The following TENM2 variants were observed in gnomAD, a reference collection of about 807,000 sequenced individuals.
TENM2 encodes teneurin-2.
Under a neutral mutation model 245.2 loss-of-function variants are expected in TENM2, and 52 were observed. The ratio of observed to expected loss-of-function variants is 0.21; its 90% CI spans 0.17 to 0.27. TENM2 has a LOEUF of 0.27. Ranked by LOEUF, TENM2 falls within the 10% of genes least tolerant of loss-of-function variation. The pLI, the probability that TENM2 is intolerant of heterozygous loss-of-function variation, is 1.00. For missense variants in TENM2, 3,046 were observed against 3,666.8 expected, an observed-to-expected ratio of 0.83 and a Z score of 4.37; for synonymous variants, 1,363 against 1,438.9, an observed-to-expected ratio of 0.95 and a Z score of 1.19.
intron 13 of TENM2, among the ~76,000 whole-genome samples, chr5:168,165,647 A>ACCCCCCCCCC (rs1562237614): frequency 6.3e-5 from 1 of 15,874 alleles, no homozygotes; most frequent in Non-Finnish European, 1.2e-4. Flanking sequence ...TCCCCCCCCC[A>ACCCCCCCCCC]ACCCCCCCCC....
At chr5:167,799,257 A>G (rs1765533171) in intron 2 of TENM2, among the ~76,000 whole-genome samples, 2 of 152,160 alleles carry the variant, frequency 1.3e-5, no homozygotes, top group Admixed American at 6.5e-5. Context: ...GAGATTTTAA[A>G]TGAACAATAA....
At chr5:168,195,026 C>A in intron 14 of TENM2, 150 bp from the exon 17 acceptor site, 1 of 924,454 alleles carries the variant, frequency 1.1e-6, no homozygotes, top group Non-Finnish European at 1.6e-6. Flanking sequence ...CCCAAAATGT[C>A]ACTAGCGTGA....
At chr5:167,858,317 A>AT (rs1771280247) in intron 2 of TENM2, among the ~76,000 whole-genome samples, 1 of 152,248 alleles carries the variant, frequency 6.6e-6, no homozygotes, top group South Asian at 2.1e-4. Context: ...GAAGCTGGGC[A>AT]TTTTTGCATG....
At chr5:167,987,567 T>G (rs796608801) in intron 4 of TENM2, among the ~76,000 whole-genome samples, 1 of 152,014 alleles carries the variant, frequency 6.6e-6, no homozygotes, top group Non-Finnish European at 1.5e-5. Context: ...ATGATTCGCC[T>G]GCCTCGGCCT....
At chr5:168,111,642 G>T (rs527465949) in intron 9 of TENM2, among the ~76,000 whole-genome samples, 1 of 152,198 alleles carries the variant, frequency 6.6e-6, no homozygotes, top group South Asian at 2.1e-4. Context: ...TCCTGCTTGG[G>T]CACGGTGAGC....
intron 27 of TENM2, among the ~76,000 whole-genome samples, chr5:168,253,971 G>C (rs917260603): frequency 2.6e-5 from 4 of 152,204 alleles, no homozygotes; most frequent in African/African-American, 9.7e-5. Context: ...CTTTCTCCCT[G>C]TTGGGTCTTT....
chr5:168,140,003 A>G (rs1024778363), intron 12 of TENM2, among the ~76,000 whole-genome samples: 15 of 152,362 alleles, frequency 9.8e-5, no homozygotes, highest in African/African-American at 3.6e-4. Context: ...CCCATCTGTG[A>G]CTACTGACAC....
At chr5:167,153,378 T>C in the TENM2 span, among the ~76,000 whole-genome samples, 1 of 152,128 alleles carries the variant, frequency 6.6e-6, no homozygotes, top group East Asian at 1.9e-4. Context: ...AGAGAAAATA[T>C]ATTTAGTGTT....
intron 2 of TENM2, among the ~76,000 whole-genome samples, chr5:167,472,286 G>A (rs1279648537): frequency 6.6e-6 from 1 of 152,146 alleles, no homozygotes; most frequent in Non-Finnish European, 1.5e-5. Context: ...TTTTCACCAA[G>A]TTAAGTTTCC....
intron 2 of TENM2, among the ~76,000 whole-genome samples, chr5:167,416,391 T>C (rs1763168178): frequency 6.6e-6 from 1 of 152,248 alleles, no homozygotes; most frequent in South Asian, 2.1e-4. Context: ...ACAGCAATCC[T>C]GAAAACATTG....
At position 167,640,882 on chromosome 5, in the gene TENM2, T is replaced by A. The variant is rs1446190799; in HGVS notation, c.503-235104T>A. ...ATCCATATATATATATATATATATA[T>A]ATATATATATATATATATATATATC... On this transcript the variant is annotated intron_variant, in intron 2 of 28. Transcript: ENST00000518659. Among the ~76,000 whole-genome samples, 34 of 67,506 alleles carry A rather than the reference T, an allele frequency of 5.0e-4. No homozygotes were observed. The South Asian group carries it at 0.015, about 31-fold the overall frequency. The allele number at this position is 67,506 out of a possible 152,430, so 44.3% of individuals were successfully genotyped here. A position where few individuals can be genotyped will look rare whatever the true frequency, so the allele number is the denominator to read the frequency against.
At chr5:167,437,412 C>A (rs1254149843) in intron 2 of TENM2, among the ~76,000 whole-genome samples, 1 of 152,158 alleles carries the variant, frequency 6.6e-6, no homozygotes, top group Non-Finnish European at 1.5e-5. Flanking sequence ...TAAGAAGTAA[C>A]TAACTTGCTT....
Position 167,910,123 on chromosome 5 carries a change from G to T in TENM2, c.712+33928G>T, listed in dbSNP as rs548213403. The stretch of plus-strand genomic sequence containing the variant: ...CAACACAATGAAAATGTTCTCTCAT[G>T]GTTTTGGAATTATCTTCATTTTGGC... On this transcript the variant is annotated intron_variant, in intron 3 of 28. Coordinates refer to ENST00000518659, the Ensembl canonical transcript of TENM2. Among the ~76,000 whole-genome samples, 15 of 152,208 alleles carry T rather than the reference G, an allele frequency of 9.9e-5. No individual in the cohort carries two copies. The South Asian group carries it at 3.1e-3, about 32-fold the overall frequency.
chr5:167,842,288 C>T (rs571495891), intron 2 of TENM2, among the ~76,000 whole-genome samples: 4 of 151,908 alleles, frequency 2.6e-5, no homozygotes, highest in African/African-American at 7.2e-5. Context: ...AAAAACAAAA[C>T]AAAACAAAAA....
chr5:167,149,794 A>G, the TENM2 span, among the ~76,000 whole-genome samples: 2 of 151,906 alleles, frequency 1.3e-5, no homozygotes, highest in Non-Finnish European at 2.9e-5. Flanking sequence ...TTTTTCTTCC[A>G]TCTGTGATTA....
At chr5:167,228,503 T>A in the TENM2 span, among the ~76,000 whole-genome samples, 3 of 152,076 alleles carry the variant, frequency 2.0e-5, no homozygotes, top group Admixed American at 6.6e-5. Context: ...CTTTGTATTG[T>A]TTTTCTGAAT....
intron 2 of TENM2, among the ~76,000 whole-genome samples, chr5:167,703,281 G>A (rs572940685): frequency 6.6e-6 from 1 of 151,974 alleles, no homozygotes. Context: ...CCTGTAATCC[G>A]AGAACTTTGG....
At chr5:167,687,694 C>T (rs777282087) in intron 2 of TENM2, among the ~76,000 whole-genome samples, 2 of 152,184 alleles carry the variant, frequency 1.3e-5, no homozygotes, top group Non-Finnish European at 2.9e-5. Context: ...ATCCAGCCAA[C>T]TTCACACTAT....
chr5:168,218,615 C>T lies in TENM2; in HGVS notation c.4724C>T (p.Pro1575Leu). ...ATCAGGGCGGTCAGCAAGAACAAGC[C>T]TGTTCTTAATGCCTTCAACCAGTAT... is the stretch of plus-strand genomic sequence containing the variant. The change falls in exon 23 of 29, where the codon CCT (proline) becomes CTT (leucine). Residue 1575 changes from proline (P) to leucine (L), a missense_variant. Pro to Leu is a moderately conservative substitution (Grantham distance 98). Transcript: ENST00000518659. The surrounding 1 kb of genome is among the most constrained non-coding windows in gnomAD (Gnocchi z 5.2). 2 of 1,614,008 alleles carry T rather than the reference C, an allele frequency of 1.2e-6. No individual in the cohort carries two copies. The highest frequency in any genetic ancestry group is 1.7e-6 in the Non-Finnish European group (2 of 1,179,898).
Sources: gnomAD v4.1 joint callset for allele counts (sites outside exome capture counted in the v4.1 genomes callset) on GRCh38, gnomAD v4.1.1 for gene constraint, Gnocchi (gnomAD v3.1) non-coding constraint, MANE v1.5 for transcripts, NCBI Gene and HGNC (gene_info 2026-07-23, HGNC 2026-07-21) for gene names.